The following SCARB2 variants were observed in gnomAD, a reference collection of about 807,000 sequenced individuals.
The protein encoded by SCARB2 is lysosome membrane protein 2.
A neutral mutation model predicts 58.6 loss-of-function variants in SCARB2; 29 were observed. That is an observed-to-expected ratio of 0.49 (90% confidence interval 0.37 to 0.67). The LOEUF (loss-of-function observed/expected upper bound fraction) is 0.67, where lower values mean the gene tolerates loss of function less well. SCARB2 is among the 30% of genes least tolerant of loss of function. SCARB2 has a pLI of 0.00. For synonymous variants in SCARB2, 195 were observed against 210.1 expected (o/e 0.93, Z 0.62); for missense variants, 488 against 578.5 (o/e 0.84, Z 1.60).
chr4:76,223,462 A>G (rs1733343790), intron 1 of SCARB2, among the ~76,000 whole-genome samples: 1 of 152,190 alleles, frequency 6.6e-6, no homozygotes, highest in African/African-American at 2.4e-5. Flanking sequence ...ATCCTGTATA[A>G]TCCAGAATCA....
At chr4:76,184,018 T>C (rs1356523657) in intron 2 of SCARB2, among the ~76,000 whole-genome samples, 3 of 152,226 alleles carry the variant, frequency 2.0e-5, no homozygotes, top group Non-Finnish European at 4.4e-5. Flanking sequence ...CATATCACAC[T>C]AAGCACCAAG....
At chr4:76,165,592 AAAAAT>A (rs1427893422) in intron 10 of SCARB2, 1 of 152,246 alleles carries the variant, frequency 6.6e-6, no homozygotes, top group Non-Finnish European at 1.5e-5. Context: ...AAAATAAAAT[AAAAAT>A]ATTATCAGGC....
intron 1 of SCARB2, among the ~76,000 whole-genome samples, chr4:76,228,250 G>A (rs1733433247): frequency 6.6e-6 from 1 of 151,890 alleles, no homozygotes; most frequent in Non-Finnish European, 1.5e-5. Context: ...GGCTGAGGGG[G>A]GTGCAGATCA....
intron 1 of SCARB2, among the ~76,000 whole-genome samples, chr4:76,220,728 T>G (rs540672253): frequency 1.3e-5 from 2 of 152,230 alleles, no homozygotes; most frequent in African/African-American, 4.8e-5. Context: ...TCTTAGAATA[T>G]GATCTTTTTA....
intron 1 of SCARB2, among the ~76,000 whole-genome samples, chr4:76,208,755 C>A (rs894250): frequency 0.63 from 95,099 of 152,078 alleles, 31,315 homozygotes; most frequent in East Asian, 0.94. Flanking sequence ...AAAGAATCCT[C>A]TCTTGCCAGA....
chr4:76,228,047 T>G (rs1733428284), intron 1 of SCARB2, among the ~76,000 whole-genome samples: 1 of 152,090 alleles, frequency 6.6e-6, no homozygotes, highest in Non-Finnish European at 1.5e-5. Flanking sequence ...TATTGAGATG[T>G]AAGGTACTTT....
At chr4:76,212,673 A>T (rs921522264) in intron 1 of SCARB2, among the ~76,000 whole-genome samples, 2 of 152,230 alleles carry the variant, frequency 1.3e-5, no homozygotes, top group African/African-American at 4.8e-5. Context: ...GAAAGGGCAG[A>T]TGAAATGACC....
At chr4:76,179,812 G>T (rs762005011) in intron 3 of SCARB2, 107 bp from the exon 4 acceptor site, 58 of 902,696 alleles carry the variant, frequency 6.4e-5, no homozygotes, top group Non-Finnish European at 1.0e-4. Flanking sequence ...AAATGTAAAG[G>T]TTGAGATTAA....
chr4:76,221,670 G>A (rs796855791), intron 1 of SCARB2, among the ~76,000 whole-genome samples: 3 of 152,154 alleles, frequency 2.0e-5, no homozygotes, highest in South Asian at 2.1e-4. Context: ...AAAAAATACC[G>A]CATGTTATCA....
chr4:76,230,153 G>T (rs1733468901), intron 1 of SCARB2, among the ~76,000 whole-genome samples: 1 of 152,168 alleles, frequency 6.6e-6, no homozygotes, highest in African/African-American at 2.4e-5. Flanking sequence ...CATGAGGTGG[G>T]TGCAGGGTTA....
intron 2 of SCARB2, among the ~76,000 whole-genome samples, chr4:76,190,397 T>C (rs1732579605): frequency 6.6e-6 from 1 of 152,088 alleles, no homozygotes; most frequent in Non-Finnish European, 1.5e-5. Context: ...CTAAGTAAGA[T>C]GTGAAGGTCA....
intron 2 of SCARB2, among the ~76,000 whole-genome samples, chr4:76,181,747 G>A (rs1732391554): frequency 6.6e-6 from 1 of 151,924 alleles, no homozygotes; most frequent in South Asian, 2.1e-4. Context: ...TTATTTTTTT[G>A]TAGAGATGAG....
At chr4:76,181,296 G>C (rs997643790) in intron 2 of SCARB2, among the ~76,000 whole-genome samples, 195 bp from the exon 3 acceptor site, 1 of 152,174 alleles carries the variant, frequency 6.6e-6, no homozygotes, top group African/African-American at 2.4e-5. Flanking sequence ...GCCTAGGATA[G>C]AGTCTTCTCA....
intron 2 of SCARB2, among the ~76,000 whole-genome samples, chr4:76,188,999 C>A (rs945707136): frequency 6.6e-6 from 1 of 152,158 alleles, no homozygotes; most frequent in Non-Finnish European, 1.5e-5. Context: ...TAGGTGGGTG[C>A]AAAGTAACTG....
At chr4:76,202,354 C>T (rs978696863) in intron 1 of SCARB2, among the ~76,000 whole-genome samples, 3 of 152,080 alleles carry the variant, frequency 2.0e-5, no homozygotes, top group Non-Finnish European at 4.4e-5. Flanking sequence ...CTCCGCCTCC[C>T]GGGTTCAAGC....
At chr4:76,163,044 T>G in intron 11 of SCARB2, 181 bp downstream of exon 11, 1 of 722,362 alleles carries the variant, frequency 1.4e-6, no homozygotes, top group South Asian at 1.7e-5. Context: ...CCACCTTCTT[T>G]GACACACTTC....
chr4:76,170,971 T>TATATATATATATATATATATATA (rs34900504), intron 7 of SCARB2, among the ~76,000 whole-genome samples: 1 of 133,832 alleles, frequency 7.5e-6, no homozygotes, highest in East Asian at 2.1e-4. Flanking sequence ...TATATATATA[T>TATATATATATATATATATATATA]AACCAAATAG....
At chr4:76,196,663 C>T (rs1210548309) in intron 1 of SCARB2, among the ~76,000 whole-genome samples, 1 of 152,192 alleles carries the variant, frequency 6.6e-6, no homozygotes, top group Non-Finnish European at 1.5e-5. Context: ...CCTCCACCAC[C>T]AGGGGCTTTA....
At position 76,176,513 on chromosome 4, in the gene SCARB2, C is replaced by T. The variant is rs375205937; in HGVS notation, c.628G>A (p.Asp210Asn). ...GLFYEKNGTN[D>N]GDYVFLTGED... ...CCAGTTAGAAAAACATAGTCTCCAT[C>T]ATTAGTCCCATTTTTCTGAAAATAT... Residue 210 changes from aspartate to asparagine, a missense_variant, in exon 5 of 12, where the codon GAT becomes AAT. By Grantham distance (23) the Asp-to-Asn change is conservative. Coordinates refer to ENST00000264896, the MANE Select transcript of SCARB2 (RefSeq NM_005506.4). 8.7e-6 allele frequency: 14 copies of T among 1,607,858 alleles called. No homozygotes were observed. Among genetic ancestry groups the T allele is most frequent in the Non-Finnish European group, 1.2e-5 (14 of 1,175,450 alleles).
Sources: allele counts gnomAD v4.1 joint callset (sites outside exome capture counted in the v4.1 genomes callset), GRCh38; gene constraint gnomAD v4.1.1; transcripts MANE v1.5; gene names NCBI Gene and HGNC (gene_info 2026-07-23, HGNC 2026-07-21).